SYNE2: variants seen among roughly 807,000 people sequenced by gnomAD.
The protein encoded by SYNE2 is spectrin repeat containing nuclear envelope protein 2, also known as nesprin-2.
SYNE2 carries 431 observed loss-of-function variants against 856.3 expected under a neutral mutation model. That is an observed-to-expected ratio of 0.50 (90% CI 0.47 to 0.55). The LOEUF is 0.55. SYNE2 is among the 20% of genes least tolerant of loss of function. SYNE2 has a pLI of 0.00. For synonymous variants in SYNE2, 2,923 were observed against 2,872.3 expected (o/e 1.02, Z -0.56); for missense variants, 8,129 against 8,023.2 (o/e 1.01, Z -0.50).
intron 65 of SYNE2, 171 bp from the exon 66 acceptor site, chr14:64,113,170 A>G: frequency 1.0e-6 from 1 of 985,334 alleles, no homozygotes; most frequent in Non-Finnish European, 1.2e-6. Flanking sequence ...CTGTGGCACC[A>G]GGTCACGTGA....
chr14:63,892,899 A>C (rs764324968), intron 1 of SYNE2, among the ~76,000 whole-genome samples: 8 of 151,996 alleles, frequency 5.3e-5, no homozygotes, highest in Non-Finnish European at 7.4e-5. Flanking sequence ...AAATTTATTC[A>C]TTCTCTTTTA....
chr14:64,094,900 G>A (rs567716103), intron 61 of SYNE2: 25 of 167,352 alleles, frequency 1.5e-4, no homozygotes, highest in African/African-American at 5.8e-4. Context: ...TTTTTTTAGA[G>A]ATGAGGTCTC....
chr14:63,813,321 T>G (rs1888691753), intron 1 of SYNE2, among the ~76,000 whole-genome samples: 1 of 152,240 alleles, frequency 6.6e-6, no homozygotes, highest in Non-Finnish European at 1.5e-5. Flanking sequence ...AGTAGAAAAC[T>G]ATAGCACGTG....
chr14:63,997,573 T>A (rs1031459008), intron 25 of SYNE2, among the ~76,000 whole-genome samples, 182 bp downstream of exon 25: 2 of 152,188 alleles, frequency 1.3e-5, no homozygotes, highest in African/African-American at 4.8e-5. Flanking sequence ...TAACCAAAGC[T>A]ACAGTGAGCA....
intron 70 of SYNE2, among the ~76,000 whole-genome samples, chr14:64,123,140 A>G (rs977611251): frequency 3.9e-5 from 6 of 152,050 alleles, no homozygotes; most frequent in Non-Finnish European, 5.9e-5. Flanking sequence ...CAGCGCTACA[A>G]TGAGTGTCAT....
intron 2 of SYNE2, among the ~76,000 whole-genome samples, chr14:63,914,569 G>A (rs911905850): frequency 6.6e-6 from 1 of 152,174 alleles, no homozygotes; most frequent in African/African-American, 2.4e-5. Flanking sequence ...AAATATCTGG[G>A]TGTTGGGTAC....
At chr14:63,797,486 C>A (rs550785643) in intron 1 of SYNE2, among the ~76,000 whole-genome samples, 1 of 151,978 alleles carries the variant, frequency 6.6e-6, no homozygotes, top group African/African-American at 2.4e-5. Context: ...AGCCTAATTT[C>A]TTATCTATAA....
intron 52 of SYNE2, 75 bp from the exon 53 acceptor site, chr14:64,073,893 T>A (rs1203366985): frequency 4.0e-6 from 6 of 1,496,290 alleles, no homozygotes; most frequent in Non-Finnish European, 5.6e-6. Context: ...CATTAATTGT[T>A]GCAATAAAAC....
At chr14:63,962,874 T>G (rs976650628) in intron 9 of SYNE2, among the ~76,000 whole-genome samples, 1 of 152,186 alleles carries the variant, frequency 6.6e-6, no homozygotes, top group African/African-American at 2.4e-5. Context: ...GATTATTCAG[T>G]TTTTCTCCTT....
chr14:64,062,916 C>T (rs765136883), intron 50 of SYNE2, 21 bp downstream of exon 50: 1 of 1,613,818 alleles, frequency 6.2e-7, no homozygotes, highest in African/African-American at 1.3e-5. Flanking sequence ...TGGCAATTAG[C>T]CAGTAAGTCT....
At chr14:64,010,209 CT>C in intron 32 of SYNE2, 93 bp downstream of exon 32, 2 of 1,401,424 alleles carry the variant, frequency 1.4e-6, no homozygotes, top group Non-Finnish European at 2.0e-6. Context: ...TTTTTTGAAA[CT>C]TCGTTTAAAA....
At chr14:64,225,196 A>C in intron 115 of SYNE2, 123 bp from the exon 116 acceptor site, 1 of 1,565,568 alleles carries the variant, frequency 6.4e-7, no homozygotes, top group South Asian at 1.1e-5. Flanking sequence ...CTGAACCCCA[A>C]CTGTTGGCCC....
chr14:63,820,889 A>G (rs888204795), intron 1 of SYNE2, among the ~76,000 whole-genome samples: 1 of 151,712 alleles, frequency 6.6e-6, no homozygotes, highest in African/African-American at 2.4e-5. Context: ...AGCTTGCATT[A>G]CAGGTGAGCA....
intron 96 of SYNE2, among the ~76,000 whole-genome samples, chr14:64,182,974 C>A (rs1567571463): frequency 6.7e-6 from 1 of 149,634 alleles, no homozygotes. Context: ...GGCAGAGGCG[C>A]CCCCCACCTC....
At position 64,162,242 on chromosome 14, in the gene SYNE2, C is replaced by A; in HGVS notation, c.16265C>A (p.Ala5422Glu). Reference protein sequence around the residue: ...ANISMSGNNLAEILPPALQDI... With the variant: ...ANISMSGNNLEEILPPALQDI... ...ATCAGCATGTCTGGAAACAACCTGGCAGAGATCCTGCCCCCAGCCCTGCAG... is the reference window on the plus strand; with the variant it reads ...ATCAGCATGTCTGGAAACAACCTGGAAGAGATCCTGCCCCCAGCCCTGCAG... The change falls in exon 88 of 116, where the codon GCA becomes GAA. Residue 5422 changes from alanine to glutamate, a missense_variant. Around this residue, in one of 3 missense-constraint regions of SYNE2, gnomAD observed 5,410 missense variants for 5,284.8 expected, o/e 1.02. Transcript: ENST00000555002. 6.2e-7 allele frequency: 1 copy of A among 1,614,200 alleles called. No individual in the cohort carries two copies.
chr14:64,116,717 G>C (rs2097856294), intron 66 of SYNE2, among the ~76,000 whole-genome samples: 1 of 152,232 alleles, frequency 6.6e-6, no homozygotes, highest in East Asian at 1.9e-4. Context: ...TGCCCGGCCA[G>C]TACCATTACT....
chr14:63,877,735 C>G (rs1485337394), intron 1 of SYNE2, among the ~76,000 whole-genome samples: 1 of 152,068 alleles, frequency 6.6e-6, no homozygotes, highest in Non-Finnish European at 1.5e-5. Flanking sequence ...TAGATGTGTT[C>G]CCTATGTGTG....
rs780827008 is a variant in SYNE2 at position 64,186,045 on chromosome 14, A to G, written c.17557-379A>G. Among the ~76,000 whole-genome samples the G allele has an allele frequency of 8.5e-5, 13 of 152,340 alleles. No homozygotes were observed. In the South Asian group the frequency reaches 1.7e-3, roughly 19 times the overall value. On this transcript the variant is annotated intron_variant, in intron 96 of 115. Transcript: ENST00000555002. ...TTTTTTAAATGGAAAATCACACTTT[A>G]TCTGAAATGTAGTTTCAGGATTAAA...
At chr14:64,149,944 G>A (rs66464719) in intron 84 of SYNE2, among the ~76,000 whole-genome samples, 46,431 of 149,534 alleles carry the variant, frequency 0.31, 7,387 homozygotes, top group East Asian at 0.51. Context: ...CAAAAGAAAC[G>A]AGCAACCCCA....
Sources: allele counts gnomAD v4.1 joint callset (sites outside exome capture counted in the v4.1 genomes callset), GRCh38; gene constraint gnomAD v4.1.1; regional missense constraint gnomAD v4.1.1; transcripts MANE v1.5; gene names NCBI Gene and HGNC (gene_info 2026-07-23, HGNC 2026-07-21).